The following CEP76 variants were observed in gnomAD, a reference collection of about 807,000 sequenced individuals.
The protein encoded by CEP76 is centrosomal protein 76, also known as centrosomal protein of 76 kDa.
CEP76 carries 55 observed loss-of-function variants against 83.3 expected under a neutral mutation model. The observed-to-expected ratio is 0.66, with a 90% CI of 0.53 to 0.83. CEP76 has a LOEUF of 0.83. Ranked by LOEUF, CEP76 falls within the 40% of genes least tolerant of loss-of-function variation. The pLI is 0.00. For missense variants in CEP76, 694 were observed against 799.5 expected, an observed-to-expected ratio of 0.87 and a Z score of 1.59; for synonymous variants, 270 against 274.5, an observed-to-expected ratio of 0.98 and a Z score of 0.16.
In CEP76 at chr18:12,697,258, C is replaced by A. The variant is rs984234502; in HGVS notation, c.671G>T (p.Gly224Val). Residue 224 changes from glycine (G) to valine (V), a missense_variant, in exon 5 of 12, where the codon GGA becomes GTA. By Grantham distance (109) the Gly-to-Val change is moderately radical. Transcript: ENST00000262127. ...EWRSVLGSEN[G>V]VTSLTVELMG... The stretch of plus-strand genomic sequence containing the variant: ...AAGTTCCACAGTCAGACTGGTCACT[C>A]CATTTTCTGAGCCCAAAACCGATCG... The A allele has an allele frequency of 2.5e-6, 4 of 1,613,688 alleles. No individual in the cohort carries two copies. The highest frequency in any genetic ancestry group is 3.4e-6 in the Non-Finnish European group (4 of 1,179,862).
chr18:12,701,893 G>GT (rs1422727804), intron 1 of CEP76, among the ~76,000 whole-genome samples: 1 of 152,230 alleles, frequency 6.6e-6, no homozygotes, highest in Non-Finnish European at 1.5e-5. Flanking sequence ...CACTTTAGGA[G>GT]GCCGAGGCGG....
intron 9 of CEP76, among the ~76,000 whole-genome samples, chr18:12,678,735 C>A (rs553291174): frequency 1.3e-5 from 2 of 152,134 alleles, no homozygotes; most frequent in Admixed American, 6.5e-5. Context: ...GCAGGGGGAT[C>A]ACCTGAGGTC....
At chr18:12,674,895 G>A (rs1328551859) in intron 10 of CEP76, 142 bp from the exon 11 acceptor site, 3 of 499,782 alleles carry the variant, frequency 6.0e-6, no homozygotes, top group South Asian at 3.9e-5. Flanking sequence ...AATAATTATA[G>A]GGATACATAG....
At position 12,697,388 on chromosome 18, in the gene CEP76, C is replaced by T. The variant is rs1346710907; in HGVS notation, c.541G>A (p.Asp181Asn). Residue 181 changes from aspartate to asparagine, a missense_variant, in exon 5 of 12, where the codon GAT becomes AAT. Physicochemically the swap from Asp to Asn is conservative, Grantham distance 23. Transcript: ENST00000262127. Reference protein sequence around the residue: ...ESLGDGTRMADSTTMLSISDP... With the variant: ...ESLGDGTRMANSTTMLSISDP... Reference sequence around the variant, plus strand: ...CTTATTGATAACATTGTTGTTGAATCAGCCATTCTAGTTCCATCACCTAGC... The same window carrying T: ...CTTATTGATAACATTGTTGTTGAATTAGCCATTCTAGTTCCATCACCTAGC... 1.9e-6 allele frequency: 3 copies of T among 1,609,912 alleles called. No individual in the cohort carries two copies. The highest frequency in any genetic ancestry group is 3.4e-5 in the Admixed American group (2 of 59,396).
At position 12,673,059 on chromosome 18, in the gene CEP76, A is replaced by G. The variant is rs1004690726; in HGVS notation, c.*306T>C. ...TTTGATTACCTGTTTGTGTAAAGAAAACTGAATGCATTTTATATTAATATT... is the reference window on the plus strand; with the variant it reads ...TTTGATTACCTGTTTGTGTAAAGAAGACTGAATGCATTTTATATTAATATT... On this transcript the variant is annotated 3_prime_UTR_variant, in exon 12 of 12. Transcript: ENST00000262127. 2 of 1,018,814 alleles carry G rather than the reference A, an allele frequency of 2.0e-6. No individual in the cohort carries two copies. Among genetic ancestry groups the G allele is most frequent in the Non-Finnish European group, 2.4e-6 (2 of 848,900 alleles). The allele number at this position is 1,018,814 out of a possible 1,614,324, so 63.1% of individuals were successfully genotyped here.
Position 12,702,650 on chromosome 18 carries a change from G to A in CEP76, c.-102C>T. Reference sequence around the variant, plus strand: ...GCGTTAGGAGCGACTGGAGCACAAAGCGCCGCAGCCGTTCGCCTAGCGCAG... The same window carrying A: ...GCGTTAGGAGCGACTGGAGCACAAAACGCCGCAGCCGTTCGCCTAGCGCAG... On this transcript the variant is annotated 5_prime_UTR_variant, in exon 1 of 12. Coordinates refer to ENST00000262127, the MANE Select transcript of CEP76 (RefSeq NM_024899.4). 7.5e-7 allele frequency: 1 copy of A among 1,340,330 alleles called. No homozygotes were observed. The highest frequency in any genetic ancestry group is 1.3e-5 in the South Asian group (1 of 74,286). 83.0% of individuals were successfully genotyped at this position (1,340,330 alleles called of 1,614,324 possible).
chr18:12,692,907 C>T (rs777644841), intron 6 of CEP76, among the ~76,000 whole-genome samples: 1 of 152,182 alleles, frequency 6.6e-6, no homozygotes, highest in Non-Finnish European at 1.5e-5. Flanking sequence ...ACTGTAGCCT[C>T]GAATTCCTGG....
At chr18:12,667,155 G>A (rs2038820060) in intron 12 of CEP76, among the ~76,000 whole-genome samples, 1 of 152,126 alleles carries the variant, frequency 6.6e-6, no homozygotes, top group Non-Finnish European at 1.5e-5. Flanking sequence ...AAATTAAAAT[G>A]TTAAATTAGA....
intron 11 of CEP76, among the ~76,000 whole-genome samples, chr18:12,673,945 G>C (rs1412645780): frequency 6.6e-6 from 1 of 152,082 alleles, no homozygotes; most frequent in Non-Finnish European, 1.5e-5. Flanking sequence ...CTGTAATTTT[G>C]GTCAAGCTAT....
At chr18:12,687,235 C>A (rs575941823) in intron 7 of CEP76, among the ~76,000 whole-genome samples, 32 of 152,240 alleles carry the variant, frequency 2.1e-4, no homozygotes, top group Non-Finnish European at 4.1e-4. Flanking sequence ...TCTAACCCAG[C>A]CAAAAGAAAC....
At chr18:12,690,746 C>G (rs542368967) in intron 7 of CEP76, among the ~76,000 whole-genome samples, 1 of 152,108 alleles carries the variant, frequency 6.6e-6, no homozygotes, top group Non-Finnish European at 1.5e-5. Context: ...TGAGCCACCG[C>G]GCCTAGCTGA....
rs1259333941 is a variant in CEP76, at chr18:12,690,080, C to T, written c.933+1279G>A. 1.3e-4 allele frequency among the ~76,000 whole-genome samples: 19 copies of T among 141,250 alleles called. No homozygotes were observed. In the East Asian group the frequency reaches 3.6e-3, roughly 27 times the overall value. The allele number at this position is 141,250 out of a possible 152,430, so 92.7% of individuals were successfully genotyped here. A position where few individuals can be genotyped will look rare whatever the true frequency, so the allele number is the denominator to read the frequency against. On this transcript the variant is annotated intron_variant, in intron 7 of 11. Transcript: ENST00000262127. Reference sequence around the variant, plus strand: ...CTGGGATTACAGGCGTGAGCCACCGCGCCCGGCCAGGAAGCCAGTTACATT... The same window carrying T: ...CTGGGATTACAGGCGTGAGCCACCGTGCCCGGCCAGGAAGCCAGTTACATT...
At chr18:12,667,802 CACTTA>C (rs2038834740), downstream of CEP76, among the ~76,000 whole-genome samples, 1 of 143,786 alleles carries the variant, frequency 7.0e-6, no homozygotes, top group African/African-American at 2.5e-5. Flanking sequence ...ATATAATATT[CACTTA>C]ACACAGAAGA....
At chr18:12,686,751 G>A (rs937009212) in intron 7 of CEP76, 9 of 234,734 alleles carry the variant, frequency 3.8e-5, no homozygotes, top group African/African-American at 1.8e-4. Flanking sequence ...AGAAATGTGT[G>A]GGTAGGTATG....
intron 10 of CEP76, among the ~76,000 whole-genome samples, chr18:12,675,805 A>C (rs904758455): frequency 2.0e-5 from 3 of 151,918 alleles, no homozygotes; most frequent in Admixed American, 6.6e-5. Context: ...AGTAGCTGGG[A>C]CTACAGACAC....
intron 2 of CEP76, chr18:12,700,118 G>C: frequency 2.8e-6 from 1 of 353,162 alleles, no homozygotes; most frequent in Non-Finnish European, 5.1e-6. Context: ...AAATGCTAAG[G>C]AATTAAACTG....
intron 7 of CEP76, among the ~76,000 whole-genome samples, chr18:12,690,071 G>A (rs150073402): frequency 6.3e-5 from 9 of 143,064 alleles, no homozygotes; most frequent in African/African-American, 2.2e-4. Context: ...TTACAGGCGT[G>A]AGCCACCGCG....
At chr18:12,696,900 T>A (rs1228366718) in intron 5 of CEP76, among the ~76,000 whole-genome samples, 1 of 152,180 alleles carries the variant, frequency 6.6e-6, no homozygotes, top group Non-Finnish European at 1.5e-5. Flanking sequence ...AGTTTGTATG[T>A]GTGTCAAGAA....
At chr18:12,668,167 A>G (rs2038843563), downstream of CEP76, among the ~76,000 whole-genome samples, 1 of 152,108 alleles carries the variant, frequency 6.6e-6, no homozygotes, top group African/African-American at 2.4e-5. Context: ...TGGGAGGCTG[A>G]GGCAGGAAAA....
Sources: allele counts gnomAD v4.1 joint callset (sites outside exome capture counted in the v4.1 genomes callset), GRCh38; gene constraint gnomAD v4.1.1; transcripts MANE v1.5; gene names NCBI Gene and HGNC (gene_info 2026-07-23, HGNC 2026-07-21).